Variants in CMC1 observed in about 807,000 individuals in gnomAD.
CMC1 encodes C-X9-C motif containing 1.
In CMC1, 14 loss-of-function variants were observed where a neutral mutation model predicts 14.1. The ratio of observed to expected loss-of-function variants is 0.99; its 90% CI spans 0.66 to 1.55. CMC1 has a LOEUF of 1.55. Among genes scored for constraint, CMC1 ranks in the 40% most tolerant of loss-of-function variants. CMC1 has a pLI of 0.00. For synonymous variants in CMC1, 50 were observed against 38.4 expected (o/e 1.30, Z -1.12); for missense variants, 127 against 123.8 (o/e 1.03, Z -0.12).
At chr3:28,278,587 C>T (rs1165685284) in intron 2 of CMC1, among the ~76,000 whole-genome samples, 1 of 152,078 alleles carries the variant, frequency 6.6e-6, no homozygotes, top group Non-Finnish European at 1.5e-5. Context: ...TCAGATAGAC[C>T]ACTCTCCCTC....
intron 2 of CMC1, among the ~76,000 whole-genome samples, chr3:28,265,453 GTT>G (rs1699955979): frequency 6.6e-6 from 1 of 152,000 alleles, no homozygotes; most frequent in Non-Finnish European, 1.5e-5. Flanking sequence ...TTTATTTACT[GTT>G]TATAGCTTTT....
At chr3:28,278,546 A>G (rs1053604365) in intron 2 of CMC1, among the ~76,000 whole-genome samples, 3 of 152,178 alleles carry the variant, frequency 2.0e-5, no homozygotes, top group African/African-American at 7.2e-5. Flanking sequence ...AAAAATTGAC[A>G]TTTGTATTCC....
chr3:28,264,930 A>G (rs1699928495), intron 2 of CMC1, among the ~76,000 whole-genome samples: 2 of 152,200 alleles, frequency 1.3e-5, no homozygotes, highest in South Asian at 2.1e-4. Context: ...TCCAAGGAAA[A>G]TGCAGAATGA....
At chr3:28,273,103 G>C (rs923618439) in intron 2 of CMC1, among the ~76,000 whole-genome samples, 4 of 152,178 alleles carry the variant, frequency 2.6e-5, no homozygotes, top group Non-Finnish European at 5.9e-5. Flanking sequence ...AATGGTACCA[G>C]CTCCTCTTTG....
chr3:28,263,154 T>C (rs1426808985), intron 1 of CMC1, 137 bp from the exon 2 acceptor site: 7 of 631,872 alleles, frequency 1.1e-5, no homozygotes, highest in Non-Finnish European at 1.9e-5. Context: ...ATGACTAAAA[T>C]AATCACAATT....
intron 3 of CMC1, chr3:28,318,638 A>G (rs1276320895): frequency 1.3e-5 from 2 of 152,122 alleles, no homozygotes; most frequent in Non-Finnish European, 2.9e-5. Flanking sequence ...ACAGTAGTCT[A>G]GTATCTACAG....
intron 2 of CMC1, among the ~76,000 whole-genome samples, chr3:28,291,041 A>C (rs1701444469): frequency 6.6e-6 from 1 of 152,104 alleles, no homozygotes. Context: ...TGCTGGGTTG[A>C]TAGCCTTACT....
rs1162928226 is a variant in CMC1 at position 28,241,678 on chromosome 3, G to C, written c.-116G>C. 15 of 1,235,518 alleles carry C rather than the reference G, an allele frequency of 1.2e-5. No individual in the cohort carries two copies. In the South Asian group the frequency reaches 2.9e-4, roughly 24 times the overall value. 76.5% of individuals were successfully genotyped at this position (1,235,518 alleles called of 1,614,324 possible). A position where few individuals can be genotyped will look rare whatever the true frequency, so the allele number is the denominator to read the frequency against. On this transcript the variant is annotated 5_prime_UTR_variant, in exon 1 of 4. Coordinates refer to ENST00000466830, the MANE Select transcript of CMC1 (RefSeq NM_182523.2). ...TGCTTTGCAAAGGGCCCGTGTTTCTGTTGCGGGAAGCTCCCGGGGGTCGCA... is the reference window on the plus strand; with the variant it reads ...TGCTTTGCAAAGGGCCCGTGTTTCTCTTGCGGGAAGCTCCCGGGGGTCGCA...
In CMC1 at chr3:28,252,949, C is replaced by G. The variant is rs368069448; in HGVS notation, c.20-10342C>G. ...GAGCATTGCGGGGAAGAAAACATCT[C>G]TCCTACTCTTGATTTCCCTTTTTGT... is the stretch of plus-strand genomic sequence containing the variant. On this transcript the variant is annotated intron_variant, in intron 1 of 3. Coordinates refer to ENST00000466830, the MANE Select transcript of CMC1 (RefSeq NM_182523.2). Among the ~76,000 whole-genome samples, 8 of 152,316 alleles carry G rather than the reference C, an allele frequency of 5.3e-5. No homozygotes were observed. The South Asian group carries it at 8.3e-4, about 16-fold the overall frequency.
chr3:28,242,009 G>C, intron 1 of CMC1, 197 bp downstream of exon 1: 1 of 470,656 alleles, frequency 2.1e-6, no homozygotes, highest in Admixed American at 4.4e-5. Context: ...ATGGTTATCT[G>C]AGGTTGCGTT....
chr3:28,244,800 A>T (rs1379746058), intron 1 of CMC1, among the ~76,000 whole-genome samples: 1 of 152,104 alleles, frequency 6.6e-6, no homozygotes, highest in African/African-American at 2.4e-5. Flanking sequence ...GTCATGGTCA[A>T]ATCTAACAAT....
chr3:28,288,115 G>A (rs530709527), intron 2 of CMC1, among the ~76,000 whole-genome samples: 2 of 152,034 alleles, frequency 1.3e-5, no homozygotes, highest in South Asian at 2.1e-4. Flanking sequence ...AACAGCTCTG[G>A]TATTGATATA....
At chr3:28,314,730 A>G (rs1030212342) in intron 2 of CMC1, among the ~76,000 whole-genome samples, 1 of 152,206 alleles carries the variant, frequency 6.6e-6, no homozygotes, top group East Asian at 1.9e-4. Flanking sequence ...GGATACAGGT[A>G]TCTATGCTAT....
At chr3:28,260,901 G>A (rs1304267944) in intron 1 of CMC1, among the ~76,000 whole-genome samples, 1 of 152,022 alleles carries the variant, frequency 6.6e-6, no homozygotes. Context: ...GCGATTATCC[G>A]GAGATCTGTT....
rs140171751 is a variant in CMC1, at chr3:28,311,128, T to C, written c.110-5205T>C. On this transcript the variant is annotated intron_variant, in intron 2 of 3. Transcript: ENST00000466830. ...CATTATATTTTTCCATTTGAACTAA[T>C]GGTTTTATGGATCTTTAGAAAATTG... Among the ~76,000 whole-genome samples, 85 of 152,286 alleles carry C rather than the reference T, an allele frequency of 5.6e-4. 1 individual carries two copies. The highest frequency in any genetic ancestry group is 2.0e-3 in the African/African-American group (83 of 41,548).
At chr3:28,254,619 A>C (rs2125439852) in intron 1 of CMC1, among the ~76,000 whole-genome samples, 1 of 152,298 alleles carries the variant, frequency 6.6e-6, no homozygotes, top group Middle Eastern at 3.4e-3. Context: ...AAATGGTTTG[A>C]TATTACACAT....
chr3:28,297,133 A>G (rs1701777469), intron 2 of CMC1: 1 of 152,138 alleles, frequency 6.6e-6, no homozygotes, highest in Admixed American at 6.6e-5. Context: ...GGCAACAGAC[A>G]AACTATTTGA....
intron 2 of CMC1, among the ~76,000 whole-genome samples, chr3:28,281,628 G>T (rs1700897405): frequency 6.6e-6 from 1 of 152,128 alleles, no homozygotes; most frequent in East Asian, 1.9e-4. Flanking sequence ...GTACCTTATT[G>T]TGTGGTTGAT....
chr3:28,283,587 A>G (rs947307195), intron 2 of CMC1, among the ~76,000 whole-genome samples: 14 of 151,766 alleles, frequency 9.2e-5, no homozygotes, highest in African/African-American at 3.1e-4. Context: ...AAAGAAACCA[A>G]TTCTCTGCAG....
Sources: allele counts gnomAD v4.1 joint callset (sites outside exome capture counted in the v4.1 genomes callset), GRCh38; gene constraint gnomAD v4.1.1; transcripts MANE v1.5; gene names NCBI Gene and HGNC (gene_info 2026-07-23, HGNC 2026-07-21).